Variants in STAB2 observed in about 807,000 individuals in gnomAD.
STAB2 encodes stabilin-2.
A neutral mutation model predicts 338.1 loss-of-function variants in STAB2; 288 were observed. The ratio of observed to expected loss-of-function variants is 0.85; its 90% CI spans 0.77 to 0.94. STAB2 has a LOEUF of 0.94. STAB2 is among the 40% of genes least tolerant of loss of function. STAB2 has a pLI of 0.00. For missense variants in STAB2, 3,141 were observed against 3,210.1 expected, an observed-to-expected ratio of 0.98 and a Z score of 0.52; for synonymous variants, 1,202 against 1,193.3, an observed-to-expected ratio of 1.01 and a Z score of -0.15.
intron 19 of STAB2, among the ~76,000 whole-genome samples, chr12:103,667,273 A>G (rs1342381838): frequency 1.3e-5 from 2 of 152,226 alleles, no homozygotes; most frequent in African/African-American, 2.4e-5. Flanking sequence ...GATGCTGTCA[A>G]GCAGGGAATG....
At chr12:103,711,242 C>G in intron 39 of STAB2, 1 of 585,886 alleles carries the variant, frequency 1.7e-6, no homozygotes, top group Non-Finnish European at 3.0e-6. Flanking sequence ...CACTGCCTAG[C>G]ACAGGGCCTG....
chr12:103,759,414 C>G (rs1372724786), intron 65 of STAB2, 141 bp downstream of exon 65: 2 of 1,250,308 alleles, frequency 1.6e-6, no homozygotes, highest in Admixed American at 2.7e-5. Context: ...GTTAACTGCC[C>G]ACTACAGCAT....
intron 55 of STAB2, among the ~76,000 whole-genome samples, chr12:103,741,742 G>A (rs375240829): frequency 6.6e-5 from 10 of 152,300 alleles, no homozygotes; most frequent in South Asian, 2.1e-4. Context: ...GGCGTGAGCC[G>A]CCGTGCCTGG....
intron 3 of STAB2, among the ~76,000 whole-genome samples, chr12:103,597,713 C>T (rs1232684317): frequency 6.6e-6 from 1 of 152,078 alleles, no homozygotes; most frequent in African/African-American, 2.4e-5. Flanking sequence ...TACTTTGAAA[C>T]TTAATCATGT....
intron 5 of STAB2, among the ~76,000 whole-genome samples, chr12:103,630,150 A>C (rs891607176): frequency 3.3e-5 from 5 of 152,222 alleles, no homozygotes; most frequent in African/African-American, 1.2e-4. Context: ...ATGGAGAGGC[A>C]AGAAACTGGA....
At chr12:103,682,431 C>A (rs746756866) in intron 25 of STAB2, among the ~76,000 whole-genome samples, 1 of 152,140 alleles carries the variant, frequency 6.6e-6, no homozygotes, top group African/African-American at 2.4e-5. Context: ...ACCTTAATTA[C>A]GAGGAATGCT....
intron 15 of STAB2, among the ~76,000 whole-genome samples, chr12:103,660,056 C>G (rs773253459): frequency 9.2e-5 from 14 of 152,156 alleles, no homozygotes; most frequent in Non-Finnish European, 1.8e-4. Context: ...TCGGTATTAC[C>G]ACACATAAAA....
chr12:103,661,030 G>T (rs952639606), intron 17 of STAB2, among the ~76,000 whole-genome samples: 3 of 152,144 alleles, frequency 2.0e-5, no homozygotes, highest in Admixed American at 1.3e-4. Context: ...ACTGGGCAAT[G>T]AGTTAATTAT....
In STAB2 at chr12:103,604,211, A is replaced by T. The variant is rs369232778; in HGVS notation, c.331+9701A>T. Among the ~76,000 whole-genome samples, 33 of 152,088 alleles carry T rather than the reference A, an allele frequency of 2.2e-4. No homozygotes were observed. In the East Asian group the frequency reaches 2.7e-3, roughly 12 times the overall value. ...TCATTTTATGTCATTTTTTAACCTT[A>T]CTGCTCTTACCATGATGTATTTATC... On this transcript the variant is annotated intron_variant, in intron 3 of 68. Coordinates refer to ENST00000388887, the MANE Select transcript of STAB2 (RefSeq NM_017564.10).
At chr12:103,717,270 A>C (rs1293363916) in intron 43 of STAB2, among the ~76,000 whole-genome samples, 4 of 152,024 alleles carry the variant, frequency 2.6e-5, no homozygotes, top group Non-Finnish European at 5.9e-5. Context: ...CTTCCACCCA[A>C]CTTCCTGGGC....
intron 57 of STAB2, among the ~76,000 whole-genome samples, chr12:103,745,967 A>T (rs1025607374): frequency 1.3e-5 from 2 of 152,178 alleles, no homozygotes; most frequent in Non-Finnish European, 2.9e-5. Flanking sequence ...TGGTTGAATT[A>T]TCCATGTGAA....
At chr12:103,648,572 G>T (rs1450115621) in intron 9 of STAB2, 118 bp from the exon 10 acceptor site, 1 of 1,357,540 alleles carries the variant, frequency 7.4e-7, no homozygotes, top group East Asian at 2.4e-5. Context: ...ATGCTCTCTT[G>T]TCCCTATTCA....
At chr12:103,762,201 G>A (rs1159170678) in intron 66 of STAB2, 73 bp from the exon 67 acceptor site, 96 of 1,585,516 alleles carry the variant, frequency 6.1e-5, no homozygotes, top group Non-Finnish European at 7.5e-5. Flanking sequence ...AGAATGCCTC[G>A]GGCCACCAAG....
At chr12:103,742,613 T>A in intron 56 of STAB2, 59 bp downstream of exon 56, 2 of 1,606,336 alleles carry the variant, frequency 1.2e-6, no homozygotes, top group Non-Finnish European at 1.7e-6. Context: ...CTCCCTGTCC[T>A]TGTTCATGCC....
chr12:103,764,189 G>T (rs1012925159), intron 68 of STAB2, among the ~76,000 whole-genome samples: 2 of 152,184 alleles, frequency 1.3e-5, no homozygotes, highest in Non-Finnish European at 2.9e-5. Flanking sequence ...CCAACCTCAG[G>T]TGATACGCCC....
intron 58 of STAB2, among the ~76,000 whole-genome samples, chr12:103,748,597 C>CACACAT (rs1883278077): frequency 5.9e-5 from 3 of 51,220 alleles, no homozygotes; most frequent in African/African-American, 2.7e-4. Context: ...CACACACACA[C>CACACAT]ACACACATAC....
At position 103,695,632 on chromosome 12, in the gene STAB2, T is replaced by G; in HGVS notation, c.3458T>G (p.Phe1153Cys). ...RLEQMPDYSI[F>C]RGYIIQYNLA... ...GAACAGATGCCTGACTATTCCATCTTCCGGGGCTACATCATTGCAAGTACC... is the reference window on the plus strand; with the variant it reads ...GAACAGATGCCTGACTATTCCATCTGCCGGGGCTACATCATTGCAAGTACC... Residue 1153 changes from phenylalanine to cysteine, a missense_variant, in exon 32 of 69, where the codon TTC (phenylalanine) becomes TGC (cysteine). By Grantham distance (205) the Phe-to-Cys change is radical. Transcript: ENST00000388887. 1 of 1,614,174 alleles carries G rather than the reference T, an allele frequency of 6.2e-7. No individual in the cohort carries two copies. Among genetic ancestry groups the G allele is most frequent in the Non-Finnish European group, 8.5e-7 (1 of 1,180,026 alleles).
chr12:103,744,156 T>G (rs1366849338), intron 56 of STAB2, among the ~76,000 whole-genome samples: 1 of 152,100 alleles, frequency 6.6e-6, no homozygotes, highest in Non-Finnish European at 1.5e-5. Flanking sequence ...GTTACTTTTT[T>G]TTTTTGAGAC....
intron 2 of STAB2, among the ~76,000 whole-genome samples, chr12:103,593,980 A>G (rs1956837363): frequency 6.6e-6 from 1 of 152,196 alleles, no homozygotes; most frequent in East Asian, 1.9e-4. Context: ...TCTCCAATAA[A>G]TATGCTAAGC....
Sources: allele counts gnomAD v4.1 joint callset (sites outside exome capture counted in the v4.1 genomes callset), GRCh38; gene constraint gnomAD v4.1.1; transcripts MANE v1.5; gene names NCBI Gene and HGNC (gene_info 2026-07-23, HGNC 2026-07-21).